TGFBRAP1: variants seen among roughly 807,000 people sequenced by gnomAD.
TGFBRAP1 encodes the protein transforming growth factor-beta receptor-associated protein 1.
In TGFBRAP1, 20 loss-of-function variants were observed where a neutral mutation model predicts 83.2. That is an observed-to-expected ratio of 0.24 (90% CI 0.17 to 0.35). The LOEUF (loss-of-function observed/expected upper bound fraction) is 0.35. Ranked by LOEUF, TGFBRAP1 falls within the 10% of genes least tolerant of loss-of-function variation. The probability of loss-of-function intolerance (pLI) is 1.00; values close to 1 mark genes in which losing one functional copy is unlikely to be tolerated. For missense variants in TGFBRAP1, 950 were observed against 1,099.4 expected (o/e 0.86, Z 1.92); for synonymous variants, 415 against 459.8 (o/e 0.90, Z 1.25).
downstream of TGFBRAP1, among the ~76,000 whole-genome samples, chr2:105,262,191 G>A (rs530077431): frequency 3.3e-5 from 5 of 152,222 alleles, no homozygotes; most frequent in South Asian, 4.1e-4. Context: ...GATGCGTGTC[G>A]CCCTCCAAAT....
At chr2:105,252,751 C>CTTTTTTTTT in the TGFBRAP1 span, among the ~76,000 whole-genome samples, 1 of 113,336 alleles carries the variant, frequency 8.8e-6, no homozygotes, top group Admixed American at 1.1e-4. Flanking sequence ...ATATTAACAT[C>CTTTTTTTTT]TTTTTTTTTT....
At chr2:105,270,779 G>C (rs1677128030) in intron 10 of TGFBRAP1, among the ~76,000 whole-genome samples, 1 of 152,180 alleles carries the variant, frequency 6.6e-6, no homozygotes, top group Non-Finnish European at 1.5e-5. Context: ...TTACTAAGTG[G>C]CTGCCATAGT....
intron 1 of TGFBRAP1, among the ~76,000 whole-genome samples, chr2:105,319,845 G>GTA (rs1679003683): frequency 2.7e-5 from 4 of 149,832 alleles, no homozygotes; most frequent in Non-Finnish European, 5.9e-5. Context: ...ATGTATGTGT[G>GTA]TATATATTTG....
chr2:105,278,414 G>A (rs1232508362), intron 6 of TGFBRAP1, among the ~76,000 whole-genome samples: 2 of 152,190 alleles, frequency 1.3e-5, no homozygotes, highest in Non-Finnish European at 2.9e-5. Flanking sequence ...CTGAACATGA[G>A]GAACAGCAGG....
chr2:105,293,139 C>T (rs1042684199), intron 4 of TGFBRAP1, among the ~76,000 whole-genome samples: 5 of 151,986 alleles, frequency 3.3e-5, no homozygotes, highest in African/African-American at 7.3e-5. Flanking sequence ...AGGGGGCATC[C>T]GTGCTTTTAG....
At chr2:105,274,502 C>T (rs1677270803) in intron 8 of TGFBRAP1, among the ~76,000 whole-genome samples, 1 of 152,224 alleles carries the variant, frequency 6.6e-6, no homozygotes, top group Admixed American at 6.5e-5. Context: ...GTAGCTAATG[C>T]CCACTGAGGG....
At chr2:105,281,211 A>G (rs1677526112) in intron 5 of TGFBRAP1, among the ~76,000 whole-genome samples, 2 of 152,232 alleles carry the variant, frequency 1.3e-5, no homozygotes, top group African/African-American at 2.4e-5. Context: ...AACATCTCAC[A>G]ACAGAAGACA....
intron 2 of TGFBRAP1, among the ~76,000 whole-genome samples, chr2:105,303,162 G>C (rs1313233641): frequency 6.6e-6 from 1 of 152,252 alleles, no homozygotes; most frequent in East Asian, 1.9e-4. Context: ...AGGTGCAGTA[G>C]TGCACGCCTA....
At chr2:105,286,212 A>C (rs1457314756) in intron 4 of TGFBRAP1, among the ~76,000 whole-genome samples, 20 of 152,220 alleles carry the variant, frequency 1.3e-4, no homozygotes, top group Admixed American at 1.3e-3. Flanking sequence ...TGCTACATGC[A>C]CACTTGGAAG....
intron 1 of TGFBRAP1, among the ~76,000 whole-genome samples, chr2:105,321,798 C>T (rs1033981304): frequency 1.3e-5 from 2 of 152,164 alleles, no homozygotes; most frequent in African/African-American, 2.4e-5. Context: ...GTGTTGCTGG[C>T]GTACACTAAC....
downstream of TGFBRAP1, among the ~76,000 whole-genome samples, chr2:105,263,279 T>G (rs772849482): frequency 6.6e-5 from 10 of 152,320 alleles, no homozygotes; most frequent in South Asian, 2.1e-4. Flanking sequence ...GAGAAAAGAA[T>G]ATTGCACCTG....
At chr2:105,311,031 A>C (rs996149904) in intron 1 of TGFBRAP1, among the ~76,000 whole-genome samples, 2 of 152,130 alleles carry the variant, frequency 1.3e-5, no homozygotes, top group Non-Finnish European at 2.9e-5. Flanking sequence ...TTCAGTTAGC[A>C]TAAGGGATAA....
chr2:105,278,068 ATGTG>A (rs56983977), intron 6 of TGFBRAP1, among the ~76,000 whole-genome samples: 4,724 of 145,448 alleles, frequency 0.032, 152 homozygotes, highest in African/African-American at 0.076. Context: ...CAAAAAATAT[ATGTG>A]TGTGTGTGTG....
chr2:105,304,761 C>T (rs1402979740), intron 2 of TGFBRAP1, among the ~76,000 whole-genome samples: 6 of 152,074 alleles, frequency 3.9e-5, no homozygotes, highest in Non-Finnish European at 5.9e-5. Flanking sequence ...CCAGCCTGGG[C>T]GACAGAGCGA....
chr2:105,283,431 C>T (rs1677608729), intron 5 of TGFBRAP1, among the ~76,000 whole-genome samples: 1 of 152,216 alleles, frequency 6.6e-6, no homozygotes, highest in South Asian at 2.1e-4. Context: ...GCATTCTGCT[C>T]AAGTCACTAC....
chr2:105,286,479 G>A (rs184574274), intron 4 of TGFBRAP1, among the ~76,000 whole-genome samples: 21 of 152,294 alleles, frequency 1.4e-4, no homozygotes, highest in Admixed American at 8.5e-4. Context: ...GGGAAAAGAC[G>A]AAAAGGATGA....
intron 1 of TGFBRAP1, among the ~76,000 whole-genome samples, chr2:105,320,923 T>C (rs148709666): frequency 1.3e-3 from 202 of 152,264 alleles, no homozygotes; most frequent in Non-Finnish European, 2.6e-3. Flanking sequence ...AACGTAATAA[T>C]CCCTAAAGGA....
At chr2:105,256,048 A>G in the TGFBRAP1 span, among the ~76,000 whole-genome samples, 1 of 152,166 alleles carries the variant, frequency 6.6e-6, no homozygotes, top group Non-Finnish European at 1.5e-5. Flanking sequence ...ATTTTAAAGC[A>G]AAGTATTCTA....
rs989642555 is a variant in TGFBRAP1 at position 105,267,028 on chromosome 2, G to A, written c.*355C>T. ...CTAAAGGTTGGAGTGTGGGGGTGGT[G>A]GGGGATCCCCCACCTGGGTCTGGAC... On this transcript the variant is annotated 3_prime_UTR_variant, in exon 12 of 12. Transcript: ENST00000393359. 1 of 201,992 alleles carries A rather than the reference G, an allele frequency of 5.0e-6. No individual in the cohort carries two copies. The highest frequency in any genetic ancestry group is 1.0e-5 in the Non-Finnish European group (1 of 99,600). 12.5% of individuals were successfully genotyped at this position (201,992 alleles called of 1,614,324 possible).
Sources: allele counts gnomAD v4.1 joint callset (sites outside exome capture counted in the v4.1 genomes callset), GRCh38; gene constraint gnomAD v4.1.1; transcripts MANE v1.5; gene names NCBI Gene and HGNC (gene_info 2026-07-23, HGNC 2026-07-21).